Variants in DDX10 observed in about 807,000 individuals in gnomAD.
The protein encoded by DDX10 is DEAD-box helicase 10.
Under a neutral mutation model 104.3 loss-of-function variants are expected in DDX10, and 74 were observed. The ratio of observed to expected loss-of-function variants is 0.71; its 90% CI spans 0.59 to 0.86. The LOEUF (loss-of-function observed/expected upper bound fraction) is 0.86. DDX10 is among the 40% of genes least tolerant of loss of function. The pLI, the probability that DDX10 is intolerant of heterozygous loss-of-function variation, is 0.00. For missense variants in DDX10, 952 were observed against 1,040.0 expected, an observed-to-expected ratio of 0.92 and a Z score of 1.16; for synonymous variants, 351 against 353.4, an observed-to-expected ratio of 0.99 and a Z score of 0.08.
At chr11:108,766,325 T>A (rs2094356279) in intron 13 of DDX10, among the ~76,000 whole-genome samples, 1 of 152,220 alleles carries the variant, frequency 6.6e-6, no homozygotes, top group African/African-American at 2.4e-5. Flanking sequence ...TACCTGTAAC[T>A]TTGTTTCTGT....
At chr11:108,717,581 G>A (rs1427894360) in intron 11 of DDX10, among the ~76,000 whole-genome samples, 1 of 152,190 alleles carries the variant, frequency 6.6e-6, no homozygotes, top group Non-Finnish European at 1.5e-5. Flanking sequence ...CAAAGTGCTG[G>A]TATTACAAGC....
chr11:108,849,137 G>C (rs980774561), intron 15 of DDX10, among the ~76,000 whole-genome samples: 6 of 152,084 alleles, frequency 3.9e-5, no homozygotes, highest in African/African-American at 1.4e-4. Flanking sequence ...AAGGATTTAG[G>C]TTTACTGGAA....
intron 13 of DDX10, among the ~76,000 whole-genome samples, chr11:108,836,405 C>T (rs1862555956): frequency 6.6e-6 from 1 of 152,184 alleles, no homozygotes; most frequent in South Asian, 2.1e-4. Flanking sequence ...TAACCGTGAC[C>T]ATTATCTAAA....
chr11:108,831,613 A>C (rs1388128372), intron 13 of DDX10, among the ~76,000 whole-genome samples: 1 of 152,134 alleles, frequency 6.6e-6, no homozygotes, highest in African/African-American at 2.4e-5. Flanking sequence ...TTAAGGAAAC[A>C]TAAAAATCTG....
At chr11:108,841,230 C>G in intron 14 of DDX10, 85 bp from the exon 15 acceptor site, 2 of 1,199,946 alleles carry the variant, frequency 1.7e-6, no homozygotes, top group Non-Finnish European at 2.4e-6. Context: ...GTATCTGCAC[C>G]TTTTCAGAAT....
chr11:108,777,490 G>A (rs140829064), intron 13 of DDX10, among the ~76,000 whole-genome samples: 5 of 152,018 alleles, frequency 3.3e-5, no homozygotes, highest in African/African-American at 4.8e-5. Context: ...ATCTGGATAA[G>A]TTTTGTGTTT....
At chr11:108,843,212 C>G (rs1189863356) in intron 15 of DDX10, among the ~76,000 whole-genome samples, 2 of 151,940 alleles carry the variant, frequency 1.3e-5, no homozygotes, top group African/African-American at 4.8e-5. Context: ...TGTGCTATAA[C>G]TGCACCTGTG....
chr11:108,783,777 T>G (rs980919937), intron 13 of DDX10, among the ~76,000 whole-genome samples: 2 of 152,174 alleles, frequency 1.3e-5, no homozygotes, highest in African/African-American at 4.8e-5. Context: ...TCCTGTCAGA[T>G]AGTGAGCATA....
chr11:108,901,892 T>A (rs1695298252), intron 16 of DDX10, among the ~76,000 whole-genome samples: 1 of 152,176 alleles, frequency 6.6e-6, no homozygotes, highest in Non-Finnish European at 1.5e-5. Context: ...TAATGTTGGA[T>A]TCTGAAAGAA....
intron 11 of DDX10, among the ~76,000 whole-genome samples, chr11:108,719,577 T>C (rs2094295718): frequency 6.6e-6 from 1 of 152,204 alleles, no homozygotes; most frequent in African/African-American, 2.4e-5. Flanking sequence ...AAAGAAGATA[T>C]TCTGGGTTAG....
intron 16 of DDX10, among the ~76,000 whole-genome samples, chr11:108,905,450 A>G (rs1316649152): frequency 6.6e-6 from 1 of 151,462 alleles, no homozygotes; most frequent in African/African-American, 2.4e-5. Flanking sequence ...TATATGGGGG[A>G]GTCCTTTTTT....
chr11:108,844,158 G>A (rs1862680323), intron 15 of DDX10, among the ~76,000 whole-genome samples: 1 of 151,974 alleles, frequency 6.6e-6, no homozygotes, highest in South Asian at 2.1e-4. Context: ...AAGAGTCACA[G>A]TATTTTTTTT....
At chr11:108,831,212 TG>T (rs1420354034) in intron 13 of DDX10, among the ~76,000 whole-genome samples, 1 of 152,084 alleles carries the variant, frequency 6.6e-6, no homozygotes, top group African/African-American at 2.4e-5. Flanking sequence ...GAGACCATCC[TG>T]GCCAACATGG....
At chr11:108,920,578 CTG>C (rs1272375795) in intron 17 of DDX10, 25 of 152,200 alleles carry the variant, frequency 1.6e-4, no homozygotes, top group Admixed American at 1.6e-3. Flanking sequence ...AATAACTTGT[CTG>C]TGATCACAAT....
At chr11:108,908,784 A>G (rs1278853281) in intron 16 of DDX10, among the ~76,000 whole-genome samples, 1 of 152,210 alleles carries the variant, frequency 6.6e-6, no homozygotes. Context: ...GTGTGTTATT[A>G]TGTAGCATAT....
At chr11:108,843,565 C>T (rs1862670807) in intron 15 of DDX10, among the ~76,000 whole-genome samples, 1 of 151,972 alleles carries the variant, frequency 6.6e-6, no homozygotes, top group South Asian at 2.1e-4. Context: ...CAAGACCAGC[C>T]TGACCAACAT....
intron 13 of DDX10, chr11:108,822,557 T>A (rs191843487): frequency 4.7e-6 from 1 of 210,836 alleles, no homozygotes; most frequent in African/African-American, 2.3e-5. Flanking sequence ...CTATGGAGAT[T>A]AGGCCCAGTC....
chr11:108,685,992 A>G (rs1329764541), intron 6 of DDX10, among the ~76,000 whole-genome samples: 1 of 152,170 alleles, frequency 6.6e-6, no homozygotes, highest in Non-Finnish European at 1.5e-5. Context: ...CATCAACTTG[A>G]TATATATTTG....
At chr11:108,718,546 G>A (rs1005177182) in intron 11 of DDX10, among the ~76,000 whole-genome samples, 3 of 152,134 alleles carry the variant, frequency 2.0e-5, no homozygotes, top group African/African-American at 7.2e-5. Flanking sequence ...ATGCCTAAGA[G>A]GTCATTCAGT....
Sources: allele counts gnomAD v4.1 joint callset (sites outside exome capture counted in the v4.1 genomes callset), GRCh38; gene constraint gnomAD v4.1.1; transcripts MANE v1.5; gene names NCBI Gene and HGNC (gene_info 2026-07-23, HGNC 2026-07-21).